The following FAM118B variants were observed in gnomAD, a reference collection of about 807,000 sequenced individuals.
FAM118B encodes SIR2 antiphage like 1.
A neutral mutation model predicts 38.5 loss-of-function variants in FAM118B; 24 were observed. That is an observed-to-expected ratio of 0.62 (90% CI 0.45 to 0.88). The LOEUF (loss-of-function observed/expected upper bound fraction) is 0.88. Ranked by LOEUF, FAM118B falls within the 40% of genes least tolerant of loss-of-function variation. The pLI is 0.00. For synonymous variants in FAM118B, 138 were observed against 156.3 expected (o/e 0.88, Z 0.87); for missense variants, 334 against 420.0 (o/e 0.80, Z 1.79).
intron 3 of FAM118B, among the ~76,000 whole-genome samples, chr11:126,235,290 A>G (rs1434460275): frequency 6.6e-6 from 1 of 152,206 alleles, no homozygotes; most frequent in East Asian, 1.9e-4. Flanking sequence ...TCAGTATTTC[A>G]AAGTCCGCCC....
intron 4 of FAM118B, among the ~76,000 whole-genome samples, chr11:126,242,682 A>G (rs1305031885): frequency 6.6e-6 from 1 of 152,248 alleles, no homozygotes; most frequent in African/African-American, 2.4e-5. Flanking sequence ...AAACCACAAC[A>G]AGGTGCCATT....
At chr11:126,246,988 ATC>A (rs1950426863) in intron 4 of FAM118B, among the ~76,000 whole-genome samples, 1 of 152,198 alleles carries the variant, frequency 6.6e-6, no homozygotes. Context: ...GGGACCCCCT[ATC>A]TCTACACAAA....
chr11:126,239,874 T>C (rs1950332996), intron 3 of FAM118B, among the ~76,000 whole-genome samples: 1 of 152,196 alleles, frequency 6.6e-6, no homozygotes, highest in Admixed American at 6.6e-5. Context: ...AAAGCAGTTT[T>C]AGAGGCTGTG....
rs894015259 is a variant in FAM118B, at chr11:126,256,541, CA to C, written c.697-24del. 6.2e-7 allele frequency: 1 copy of C among 1,607,614 alleles called. No individual in the cohort carries two copies. The highest frequency in any genetic ancestry group is 1.3e-5 in the African/African-American group (1 of 74,572). On this transcript the variant is annotated intron_variant, in intron 6 of 8. Coordinates refer to ENST00000533050, the MANE Select transcript of FAM118B (RefSeq NM_024556.4). The surrounding 1 kb of genome is among the most constrained non-coding windows in gnomAD (Gnocchi z 6.6). The stretch of plus-strand genomic sequence containing the variant: ...TGCCTTGAGTGTGTCTTCACAATGT[CA>C]ATATGTTGTATCTTTTCCTTCCAGA...
At chr11:126,243,273 C>G (rs1950380772) in intron 4 of FAM118B, among the ~76,000 whole-genome samples, 1 of 152,136 alleles carries the variant, frequency 6.6e-6, no homozygotes. Context: ...CCCATATTAT[C>G]CTGATAACAA....
intron 1 of FAM118B, among the ~76,000 whole-genome samples, chr11:126,224,240 A>T (rs770821338): frequency 1.2e-4 from 19 of 152,092 alleles, no homozygotes; most frequent in Non-Finnish European, 2.6e-4. Flanking sequence ...TGGGAGAGTG[A>T]GGCAGGCGGA....
intron 3 of FAM118B, among the ~76,000 whole-genome samples, chr11:126,238,278 C>G (rs963800223): frequency 1.1e-4 from 16 of 152,086 alleles, no homozygotes; most frequent in Non-Finnish European, 4.4e-5. Context: ...AAGAGAATCA[C>G]TTGAACCCAG....
At position 126,250,464 on chromosome 11, in the gene FAM118B, A is replaced by G. The variant is rs769550768; in HGVS notation, c.340-42A>G. ...TGTAACTAAAACAACTGACCTACCA[A>G]AGCACTTTGGACTAATTTTCTTTTT... On this transcript the variant is annotated intron_variant, in intron 4 of 8. Coordinates refer to ENST00000533050, the MANE Select transcript of FAM118B (RefSeq NM_024556.4). This position sits in a 1 kb window ranked among gnomAD's most constrained non-coding sequence, Gnocchi z 5.1. 1.4e-6 allele frequency: 2 copies of G among 1,413,404 alleles called. No individual in the cohort carries two copies. The highest frequency in any genetic ancestry group is 3.5e-5 in the Admixed American group (2 of 57,470). 87.6% of individuals were successfully genotyped at this position (1,413,404 alleles called of 1,614,324 possible). A position where few individuals can be genotyped will look rare whatever the true frequency, so the allele number is the denominator to read the frequency against.
At chr11:126,229,465 CAG>C (rs1385388852) in intron 2 of FAM118B, 172 bp downstream of exon 2, 6 of 152,128 alleles carry the variant, frequency 3.9e-5, no homozygotes, top group South Asian at 2.1e-4. Flanking sequence ...TTTTTTGAGA[CAG>C]AGTCTCACTC....
rs549922825 is a variant in FAM118B at position 126,219,349 on chromosome 11, C to CTTTTT, written c.-77+7555_-77+7559dup. 7.0e-4 allele frequency among the ~76,000 whole-genome samples: 31 copies of CTTTTT among 44,462 alleles called. 5 individuals are homozygous for CTTTTT. The highest frequency in any genetic ancestry group is 8.5e-4 in the Non-Finnish European group (22 of 25,868). 29.2% of individuals were successfully genotyped at this position (44,462 alleles called of 152,430 possible). ...AGCTTATCCTTCAGCTCTTGTTTAT[C>CTTTTT]TTTTTTTTTTTTTTTTTTTTTTTTT... On this transcript the variant is annotated intron_variant, in intron 1 of 8. Transcript: ENST00000533050.
At chr11:126,234,681 A>G (rs1950249000) in intron 2 of FAM118B, among the ~76,000 whole-genome samples, 1 of 152,196 alleles carries the variant, frequency 6.6e-6, no homozygotes, top group Admixed American at 6.5e-5. Flanking sequence ...TAAGTTCTAC[A>G]AAGTGATGGC....
chr11:126,261,199 C>G (rs1210462155), intron 7 of FAM118B: 1 of 521,270 alleles, frequency 1.9e-6, no homozygotes, highest in Non-Finnish European at 3.4e-6. Flanking sequence ...TACAAGCAAT[C>G]GTAGTGCACT....
chr11:126,225,614 C>G (rs1207581600), intron 1 of FAM118B, among the ~76,000 whole-genome samples: 1 of 152,062 alleles, frequency 6.6e-6, no homozygotes, highest in Non-Finnish European at 1.5e-5. Context: ...AGATTGATTC[C>G]CAGTTTGTCA....
intron 1 of FAM118B, among the ~76,000 whole-genome samples, chr11:126,226,024 G>T (rs1424595263): frequency 1.3e-5 from 2 of 152,190 alleles, no homozygotes; most frequent in Non-Finnish European, 2.9e-5. Flanking sequence ...GAGAAGCATG[G>T]AAGGCAAAAA....
At chr11:126,234,214 T>A (rs1298598857) in intron 2 of FAM118B, among the ~76,000 whole-genome samples, 1 of 152,236 alleles carries the variant, frequency 6.6e-6, no homozygotes, top group Non-Finnish European at 1.5e-5. Flanking sequence ...GTCTTCTATA[T>A]TGTGTGTGTG....
At chr11:126,222,749 A>G (rs902057161) in intron 1 of FAM118B, among the ~76,000 whole-genome samples, 1 of 152,180 alleles carries the variant, frequency 6.6e-6, no homozygotes, top group African/African-American at 2.4e-5. Context: ...ACTTTAATTA[A>G]TGGTAGATAC....
At chr11:126,227,090 T>C (rs574392641) in intron 1 of FAM118B, among the ~76,000 whole-genome samples, 2 of 128,562 alleles carry the variant, frequency 1.6e-5, no homozygotes, top group African/African-American at 5.8e-5. Flanking sequence ...TGAGACTGAG[T>C]CTGGTTCTGT....
intron 1 of FAM118B, among the ~76,000 whole-genome samples, chr11:126,221,280 C>T (rs1320301929): frequency 6.6e-6 from 1 of 152,182 alleles, no homozygotes; most frequent in African/African-American, 2.4e-5. Flanking sequence ...TACAGATTTA[C>T]TTTCTTCCCT....
At chr11:126,218,486 C>T (rs1430031227) in intron 1 of FAM118B, among the ~76,000 whole-genome samples, 2 of 152,180 alleles carry the variant, frequency 1.3e-5, no homozygotes, top group Non-Finnish European at 2.9e-5. Flanking sequence ...TTACTTGTTT[C>T]CCTCACCACT....
Sources: gnomAD v4.1 joint callset for allele counts (sites outside exome capture counted in the v4.1 genomes callset) on GRCh38, gnomAD v4.1.1 for gene constraint, Gnocchi (gnomAD v3.1) non-coding constraint, MANE v1.5 for transcripts, NCBI Gene and HGNC (gene_info 2026-07-23, HGNC 2026-07-21) for gene names.